Variants in SCLT1 observed in about 807,000 individuals in gnomAD.
The protein encoded by SCLT1 is sodium channel-associated protein 1.
A neutral mutation model predicts 112.8 loss-of-function variants in SCLT1; 78 were observed. That is an observed-to-expected ratio of 0.69 (90% CI 0.58 to 0.83). SCLT1 has a LOEUF of 0.83. Ranked by LOEUF, SCLT1 falls within the 40% of genes least tolerant of loss-of-function variation. The probability of loss-of-function intolerance (pLI) is 0.00; values close to 1 mark genes in which losing one functional copy is unlikely to be tolerated. For missense variants in SCLT1, 747 were observed against 770.4 expected (o/e 0.97, Z 0.36); for synonymous variants, 257 against 254.7 (o/e 1.01, Z -0.09).
intron 5 of SCLT1, among the ~76,000 whole-genome samples, chr4:129,013,498 G>A (rs542325057): frequency 4.4e-4 from 67 of 152,248 alleles, no homozygotes; most frequent in Admixed American, 2.8e-3. Flanking sequence ...TTGTAAGGCA[G>A]GTCTGGTAGT....
At chr4:128,912,894 G>T (rs1735210585) in intron 18 of SCLT1, among the ~76,000 whole-genome samples, 1 of 152,182 alleles carries the variant, frequency 6.6e-6, no homozygotes, top group South Asian at 2.1e-4. Flanking sequence ...GGATTTACTG[G>T]ATTCACATAT....
chr4:129,068,443 G>C (rs1579918325), intron 2 of SCLT1, among the ~76,000 whole-genome samples: 1 of 152,152 alleles, frequency 6.6e-6, no homozygotes, highest in East Asian at 1.9e-4. Flanking sequence ...ATCACGTTGT[G>C]GTTTTGTTTT....
intron 2 of SCLT1, among the ~76,000 whole-genome samples, chr4:129,065,424 T>C (rs148244670): frequency 8.0e-4 from 122 of 152,162 alleles, no homozygotes; most frequent in African/African-American, 2.9e-3. Context: ...ATGTTCATAA[T>C]AAAACAGAGA....
chr4:128,999,172 C>G (rs529637452), intron 7 of SCLT1, among the ~76,000 whole-genome samples: 4 of 152,026 alleles, frequency 2.6e-5, no homozygotes, highest in South Asian at 2.1e-4. Context: ...CATTAAGATA[C>G]CTTCCTGTTG....
chr4:129,004,000 T>A, intron 5 of SCLT1, 124 bp from the exon 6 acceptor site: 1 of 819,928 alleles, frequency 1.2e-6, no homozygotes, highest in East Asian at 2.6e-5. Context: ...TTAAGTAGAC[T>A]TCAAATAAAA....
intron 5 of SCLT1, among the ~76,000 whole-genome samples, chr4:129,032,234 G>A (rs1338828741): frequency 6.6e-6 from 1 of 152,068 alleles, no homozygotes; most frequent in African/African-American, 2.4e-5. Context: ...AACAAGCAAT[G>A]GGGAAAGGAT....
At chr4:128,954,564 C>T (rs1407046560) in intron 13 of SCLT1, among the ~76,000 whole-genome samples, 2 of 152,108 alleles carry the variant, frequency 1.3e-5, no homozygotes, top group Admixed American at 6.5e-5. Context: ...CTGCCCACCT[C>T]GGCCTCCCAA....
intron 4 of SCLT1, 97 bp from the exon 5 acceptor site, chr4:129,039,193 T>A (rs993912357): frequency 2.4e-5 from 17 of 711,854 alleles, no homozygotes; most frequent in Middle Eastern, 2.4e-4. Flanking sequence ...CTGACACTAG[T>A]TTACAGATAA....
At chr4:128,875,482 C>T (rs1404018745) in intron 4 of SCLT1, among the ~76,000 whole-genome samples, 1 of 151,990 alleles carries the variant, frequency 6.6e-6, no homozygotes, top group Non-Finnish European at 1.5e-5. Flanking sequence ...GATCTGAAAA[C>T]AGAATCGTTG....
At chr4:129,006,654 C>A (rs895066964) in intron 5 of SCLT1, among the ~76,000 whole-genome samples, 1 of 151,842 alleles carries the variant, frequency 6.6e-6, no homozygotes, top group Admixed American at 6.6e-5. Flanking sequence ...TCTTACACTT[C>A]ATACAAAGGA....
chr4:128,925,207 T>C (rs777952570), intron 18 of SCLT1, among the ~76,000 whole-genome samples: 2 of 152,190 alleles, frequency 1.3e-5, no homozygotes, highest in Non-Finnish European at 2.9e-5. Context: ...CAGACATGTC[T>C]AGATTCCTAA....
At chr4:128,876,928 A>G (rs1487047279) in intron 3 of SCLT1, among the ~76,000 whole-genome samples, 1 of 152,194 alleles carries the variant, frequency 6.6e-6, no homozygotes, top group African/African-American at 2.4e-5. Flanking sequence ...TATTACATTT[A>G]ATATTGCCTT....
chr4:128,982,440 T>C lies in SCLT1; in HGVS notation c.686+9727A>G, dbSNP rs1483384197. On this transcript the variant is annotated intron_variant, in intron 9 of 20. Coordinates refer to ENST00000281142, the MANE Select transcript of SCLT1 (RefSeq NM_144643.4). ...TATAAAATAAATTGATTGGACAAAT[T>C]ATAGGCTCCTTACATGAATATAATA... Among the ~76,000 whole-genome samples the C allele has an allele frequency of 2.0e-5, 3 of 152,208 alleles. No homozygotes were observed. The East Asian group carries it at 5.8e-4, about 29-fold the overall frequency.
Position 128,965,324 on chromosome 4 carries a change from A to C in SCLT1, c.778-6T>G. ...GCAGACACCACATCCTTCTCCTAGA[A>C]AATAAAGAAACTAGAAGCTTACTTT... On this transcript the variant is annotated splice_polypyrimidine_tract_variant and splice_region_variant and intron_variant, in intron 10 of 20. Coordinates refer to ENST00000281142, the MANE Select transcript of SCLT1 (RefSeq NM_144643.4). 6.3e-7 allele frequency: 1 copy of C among 1,581,840 alleles called. No homozygotes were observed. Among genetic ancestry groups the C allele is most frequent in the Non-Finnish European group, 8.7e-7 (1 of 1,152,244 alleles).
chr4:129,087,541 G>A (rs1235251466), intron 1 of SCLT1, among the ~76,000 whole-genome samples: 5 of 151,494 alleles, frequency 3.3e-5, no homozygotes, highest in Non-Finnish European at 7.4e-5. Context: ...AAAGCCAGGA[G>A]TTCAAGACCA....
intron 18 of SCLT1, among the ~76,000 whole-genome samples, chr4:128,918,232 C>G (rs1466264001): frequency 1.3e-5 from 2 of 152,162 alleles, no homozygotes; most frequent in Non-Finnish European, 2.9e-5. Flanking sequence ...AGAAACAGAT[C>G]TGTCTGATGA....
intron 9 of SCLT1, among the ~76,000 whole-genome samples, chr4:128,979,639 G>C (rs1238726871): frequency 2.6e-5 from 4 of 152,140 alleles, no homozygotes; most frequent in Admixed American, 6.5e-5. Context: ...TAAAAAACTA[G>C]AGCTGACTTC....
intron 18 of SCLT1, among the ~76,000 whole-genome samples, chr4:128,928,760 T>C (rs1384437108): frequency 1.3e-5 from 2 of 151,370 alleles, no homozygotes; most frequent in African/African-American, 4.9e-5. Context: ...TGAACCCAGG[T>C]GGCAGAGGTT....
intron 7 of SCLT1, among the ~76,000 whole-genome samples, chr4:128,998,319 A>G (rs1220105103): frequency 6.6e-6 from 1 of 151,866 alleles, no homozygotes; most frequent in African/African-American, 2.4e-5. Flanking sequence ...CTCAAAACCT[A>G]TAATACAAAC....
Sources: allele counts gnomAD v4.1 joint callset (sites outside exome capture counted in the v4.1 genomes callset), GRCh38; gene constraint gnomAD v4.1.1; transcripts MANE v1.5; gene names NCBI Gene and HGNC (gene_info 2026-07-23, HGNC 2026-07-21).